SORT1: variants seen among roughly 807,000 people sequenced by gnomAD.
SORT1 encodes sortilin.
A neutral mutation model predicts 101.7 loss-of-function variants in SORT1; 39 were observed. The ratio of observed to expected loss-of-function variants is 0.38; its 90% confidence interval spans 0.30 to 0.50. The LOEUF (loss-of-function observed/expected upper bound fraction) is 0.50, where lower values mean the gene tolerates loss of function less well. Ranked by LOEUF, SORT1 falls within the 20% of genes least tolerant of loss-of-function variation. SORT1 has a pLI of 0.90. For synonymous variants in SORT1, 396 were observed against 393.7 expected (o/e 1.01, Z -0.07); for missense variants, 878 against 1,040.4 (o/e 0.84, Z 2.15).
intron 7 of SORT1, among the ~76,000 whole-genome samples, chr1:109,347,256 C>T (rs888384483): frequency 3.9e-5 from 6 of 152,218 alleles, no homozygotes; most frequent in African/African-American, 9.6e-5. Flanking sequence ...AAATACATTG[C>T]TAAGATTAAA....
chr1:109,326,580 T>C (rs1239764540), intron 13 of SORT1, among the ~76,000 whole-genome samples: 18 of 146,980 alleles, frequency 1.2e-4, no homozygotes, highest in African/African-American at 3.5e-4. Flanking sequence ...CATACATATA[T>C]ACACACACAC....
At chr1:109,358,057 C>T (rs1045754635) in intron 3 of SORT1, among the ~76,000 whole-genome samples, 5 of 152,192 alleles carry the variant, frequency 3.3e-5, no homozygotes, top group Non-Finnish European at 7.4e-5. Context: ...GTTGGCAAGC[C>T]TGCTTGCTTT....
chr1:109,313,967 C>T lies in SORT1; in HGVS notation c.*76G>A, dbSNP rs1464776243. The T allele has an allele frequency of 7.0e-7, 1 of 1,433,100 alleles. No homozygotes were observed. The allele number at this position is 1,433,100 out of a possible 1,614,324, so 88.8% of individuals were successfully genotyped here. On this transcript the variant is annotated 3_prime_UTR_variant, in exon 20 of 20. Transcript: ENST00000256637. ...TCCCTCGCAATGGGAAATTTATTTCCTGAAGTTGGAGCCACAGGGAGTGTA... is the reference window on the plus strand; with the variant it reads ...TCCCTCGCAATGGGAAATTTATTTCTTGAAGTTGGAGCCACAGGGAGTGTA...
At chr1:109,364,672 T>C (rs1570956200) in intron 3 of SORT1, among the ~76,000 whole-genome samples, 1 of 152,070 alleles carries the variant, frequency 6.6e-6, no homozygotes, top group Non-Finnish European at 1.5e-5. Flanking sequence ...GGCTAGGGGG[T>C]GCAGTGTGCA....
intron 14 of SORT1, among the ~76,000 whole-genome samples, chr1:109,323,509 C>G (rs752057388): frequency 6.6e-6 from 1 of 152,196 alleles, no homozygotes; most frequent in Non-Finnish European, 1.5e-5. Context: ...CACTCAGGAC[C>G]AGGGAGCTCT....
Position 109,342,120 on chromosome 1 carries a change from C to T in SORT1, c.1002G>A (p.Gly334=), listed in dbSNP as rs771772073. ...GGAGCTGGGCCATGCTCCATGTGTCCCCTTGATCTGTTGAAACGTGGATCC... is the reference window on the plus strand; with the variant it reads ...GGAGCTGGGCCATGCTCCATGTGTCTCCTTGATCTGTTGAAACGTGGATCC... ...TRRIHVSTDQ[G]DTWSMAQLPS... is the part of the protein sequence containing the mutation. Residue 334 remains glycine (G), a synonymous_variant, in exon 9 of 20, where the codon GGG becomes GGA. Coordinates refer to ENST00000256637, the MANE Select transcript of SORT1 (RefSeq NM_002959.7). The T allele has an allele frequency of 1.2e-6, 2 of 1,612,308 alleles. No individual in the cohort carries two copies. The highest frequency in any genetic ancestry group is 2.2e-5 in the South Asian group (2 of 91,030).
intron 11 of SORT1, among the ~76,000 whole-genome samples, chr1:109,330,998 T>A (rs1372266445): frequency 1.3e-5 from 2 of 152,146 alleles, no homozygotes. Context: ...AAGAAAAGCC[T>A]AGGACCTGAT....
At position 109,369,702 on chromosome 1, in the gene SORT1, A is replaced by C; in HGVS notation, c.307-113T>G. 7 of 744,066 alleles carry C rather than the reference A, an allele frequency of 9.4e-6. No individual in the cohort carries two copies. In the South Asian group the frequency reaches 1.1e-4, roughly 12 times the overall value. The allele number at this position is 744,066 out of a possible 1,614,324, so 46.1% of individuals were successfully genotyped here. A position where few individuals can be genotyped will look rare whatever the true frequency, so the allele number is the denominator to read the frequency against. On this transcript the variant is annotated intron_variant, in intron 1 of 19. Transcript: ENST00000256637. ...TCAGAGTAATTAAGTTCATAATTAC[A>C]AAGTGGGTATGGATTCCCAGTACAA... is the stretch of plus-strand genomic sequence containing the variant.
At chr1:109,321,322 G>A (rs1647609485) in intron 15 of SORT1, among the ~76,000 whole-genome samples, 1 of 152,124 alleles carries the variant, frequency 6.6e-6, no homozygotes, top group African/African-American at 2.4e-5. Flanking sequence ...GTGGGAAGTC[G>A]CCAGACTTGG....
At chr1:109,340,591 G>A in intron 10 of SORT1, 133 bp downstream of exon 10, 4 of 884,944 alleles carry the variant, frequency 4.5e-6, no homozygotes, top group Non-Finnish European at 3.4e-6. Flanking sequence ...AAAAAAAAAG[G>A]AAACAAAAAA....
At chr1:109,396,256 C>T (rs111715337) in intron 1 of SORT1, among the ~76,000 whole-genome samples, 1 of 152,022 alleles carries the variant, frequency 6.6e-6, no homozygotes, top group Non-Finnish European at 1.5e-5. Flanking sequence ...GGTCAACCAG[C>T]GAGAGAAGAA....
At chr1:109,336,155 T>C (rs573960281) in intron 11 of SORT1, 85 bp downstream of exon 11, 12 of 811,734 alleles carry the variant, frequency 1.5e-5, no homozygotes, top group Non-Finnish European at 2.1e-5. Flanking sequence ...TAATCAAGTA[T>C]GAAACTTCAT....
At position 109,377,704 on chromosome 1, in the gene SORT1, G is replaced by A. The variant is rs558140605; in HGVS notation, c.307-8115C>T. Among the ~76,000 whole-genome samples, 120 of 152,336 alleles carry A rather than the reference G, an allele frequency of 7.9e-4. 1 individual carries two copies. Among genetic ancestry groups the A allele is most frequent in the Admixed American group, 3.4e-3 (52 of 15,306 alleles). ...TAGAAGAGAAATTCAAATTTCAAGT[G>A]AAGAAATAAAGGTCTGACTACTGAG... On this transcript the variant is annotated intron_variant, in intron 1 of 19. Transcript: ENST00000256637.
At position 109,353,341 on chromosome 1, in the gene SORT1, A is replaced by C. The variant is rs191936322; in HGVS notation, c.708+1026T>G. Among the ~76,000 whole-genome samples the C allele has an allele frequency of 8.9e-3, 1,346 of 151,014 alleles. 19 individuals are homozygous for C. Among genetic ancestry groups the C allele is most frequent in the African/African-American group, 0.031 (1,268 of 41,054 alleles). On this transcript the variant is annotated intron_variant, in intron 5 of 19. Transcript: ENST00000256637. ...AAAACTCTGTCTCAAAAAAAAAAAAAAAAAAAAAAACAAAAGCAAAAAAAA... is the reference window on the plus strand; with the variant it reads ...AAAACTCTGTCTCAAAAAAAAAAAACAAAAAAAAAACAAAAGCAAAAAAAA...
chr1:109,316,537 A>T (rs1393978220), intron 17 of SORT1, among the ~76,000 whole-genome samples: 1 of 152,114 alleles, frequency 6.6e-6, no homozygotes, highest in African/African-American at 2.4e-5. Context: ...CAGCCCACAG[A>T]CAACCTTTTT....
Position 109,313,782 on chromosome 1 carries a change from A to C in SORT1, c.*261T>G. The C allele has an allele frequency of 1.9e-6, 1 of 524,532 alleles. No individual in the cohort carries two copies. The allele number at this position is 524,532 out of a possible 1,614,324, so 32.5% of individuals were successfully genotyped here. A position where few individuals can be genotyped will look rare whatever the true frequency, so the allele number is the denominator to read the frequency against. ...AAAAACAAAAAAGCCCATACTTTGCAAAGAGACAGGACGAGAAATAAGAAG... is the reference window on the plus strand; with the variant it reads ...AAAAACAAAAAAGCCCATACTTTGCCAAGAGACAGGACGAGAAATAAGAAG... On this transcript the variant is annotated 3_prime_UTR_variant, in exon 20 of 20. Coordinates refer to ENST00000256637, the MANE Select transcript of SORT1 (RefSeq NM_002959.7).
chr1:109,313,578 C>T lies in SORT1; in HGVS notation c.*465G>A, dbSNP rs1658849600. 1 of 169,878 alleles carries T rather than the reference C, an allele frequency of 5.9e-6. No individual in the cohort carries two copies. The allele number at this position is 169,878 out of a possible 1,614,324, so 10.5% of individuals were successfully genotyped here. A position where few individuals can be genotyped will look rare whatever the true frequency, so the allele number is the denominator to read the frequency against. ...GCCAGGCTGTGCCAGCCTCTGCAGC[C>T]TGTTTTCATCTCTACAGCTGTTTCG... On this transcript the variant is annotated 3_prime_UTR_variant, in exon 20 of 20. Coordinates refer to ENST00000256637, the MANE Select transcript of SORT1 (RefSeq NM_002959.7).
chr1:109,357,010 C>T (rs1305537137), intron 3 of SORT1, among the ~76,000 whole-genome samples: 1 of 152,186 alleles, frequency 6.6e-6, no homozygotes, highest in Non-Finnish European at 1.5e-5. Context: ...TTATGTGTTG[C>T]ATGAAGATGT....
chr1:109,347,967 ACT>A (rs1237971004), intron 6 of SORT1, among the ~76,000 whole-genome samples: 3 of 152,068 alleles, frequency 2.0e-5, no homozygotes, highest in African/African-American at 4.8e-5. Context: ...AGGTTGAGAA[ACT>A]CTGTTTTAGA....
Sources: allele counts gnomAD v4.1 joint callset (sites outside exome capture counted in the v4.1 genomes callset), GRCh38; gene constraint gnomAD v4.1.1; transcripts MANE v1.5; gene names NCBI Gene and HGNC (gene_info 2026-07-23, HGNC 2026-07-21).